The following NFIB variants were observed in gnomAD, a reference collection of about 807,000 sequenced individuals.
The protein encoded by NFIB is nuclear factor I B.
In NFIB, 11 loss-of-function variants were observed where a neutral mutation model predicts 61.5. The observed-to-expected ratio is 0.18, with a 90% CI of 0.11 to 0.30. The LOEUF (loss-of-function observed/expected upper bound fraction) is 0.30. NFIB is among the 10% of genes least tolerant of loss of function. The pLI, the probability that NFIB is intolerant of heterozygous loss-of-function variation, is 1.00. For synonymous variants in NFIB, 260 were observed against 216.5 expected, an observed-to-expected ratio of 1.20 and a Z score of -1.76; for missense variants, 471 against 608.9, an observed-to-expected ratio of 0.77 and a Z score of 2.38.
the NFIB span, among the ~76,000 whole-genome samples, chr9:14,426,291 C>T: frequency 2.0e-5 from 3 of 152,108 alleles, no homozygotes; most frequent in Admixed American, 2.0e-4. Context: ...CCACTGTGAG[C>T]TCTACAGGCC....
the NFIB span, among the ~76,000 whole-genome samples, chr9:14,465,021 G>A: frequency 6.6e-6 from 1 of 152,116 alleles, no homozygotes; most frequent in Non-Finnish European, 1.5e-5. Context: ...AGAACAGTCA[G>A]TTAAATTTTA....
At chr9:14,143,884 A>G (rs2042008455) in intron 6 of NFIB, among the ~76,000 whole-genome samples, 1 of 152,108 alleles carries the variant, frequency 6.6e-6, no homozygotes, top group African/African-American at 2.4e-5. Flanking sequence ...ATTTATAAAG[A>G]TAGTACTGTA....
At chr9:14,128,685 A>G (rs1173254986) in intron 6 of NFIB, among the ~76,000 whole-genome samples, 1 of 148,058 alleles carries the variant, frequency 6.8e-6, no homozygotes, top group East Asian at 2.0e-4. Flanking sequence ...ACAAGAACAA[A>G]ACTCTGTCTC....
chr9:14,341,101 G>C (rs983553459), intron 1 of NFIB, among the ~76,000 whole-genome samples: 6 of 152,200 alleles, frequency 3.9e-5, no homozygotes, highest in Non-Finnish European at 7.3e-5. Context: ...CTGGACAAGA[G>C]CCCAAGAAGA....
chr9:14,348,948 C>G (rs769041487), intron 1 of NFIB, among the ~76,000 whole-genome samples: 1 of 152,246 alleles, frequency 6.6e-6, no homozygotes, highest in Non-Finnish European at 1.5e-5. Context: ...CTCCCGCCCC[C>G]ACCTTGCGCT....
At chr9:14,337,620 C>A (rs947196497) in intron 1 of NFIB, among the ~76,000 whole-genome samples, 4 of 152,218 alleles carry the variant, frequency 2.6e-5, no homozygotes, top group Non-Finnish European at 5.9e-5. Context: ...CATTTTCTAA[C>A]CCTGAGTTGG....
At chr9:14,466,206 G>A in the NFIB span, among the ~76,000 whole-genome samples, 1 of 152,176 alleles carries the variant, frequency 6.6e-6, no homozygotes, top group South Asian at 2.1e-4. Context: ...TGCAAGCTGA[G>A]GCAAGGCCGT....
chr9:14,504,298 T>A, the NFIB span, among the ~76,000 whole-genome samples: 2 of 152,202 alleles, frequency 1.3e-5, no homozygotes, highest in Admixed American at 6.5e-5. Flanking sequence ...TAGTCTTGCT[T>A]TGGCTATGCT....
At chr9:14,493,481 T>C in the NFIB span, among the ~76,000 whole-genome samples, 2 of 152,356 alleles carry the variant, frequency 1.3e-5, no homozygotes, top group East Asian at 3.9e-4. Flanking sequence ...TGTATTCCAC[T>C]GTTAAATTCT....
intron 2 of NFIB, among the ~76,000 whole-genome samples, chr9:14,275,211 T>G (rs2057913792): frequency 6.6e-6 from 1 of 152,186 alleles, no homozygotes; most frequent in Non-Finnish European, 1.5e-5. Context: ...GGTCTCTGAG[T>G]GCTCCAAGGG....
In NFIB at chr9:14,363,888, T is replaced by C. The variant is rs555128671; in HGVS notation, c.108+34636A>G. Among the ~76,000 whole-genome samples, 33 of 152,336 alleles carry C rather than the reference T, an allele frequency of 2.2e-4. No individual in the cohort carries two copies. The South Asian group carries it at 6.6e-3, about 31-fold the overall frequency. ...TGGTAAAAACTTATCATCTTTTTAATCTTCTATTAAATAGCTCCATGAAAT... is the reference window on the plus strand; with the variant it reads ...TGGTAAAAACTTATCATCTTTTTAACCTTCTATTAAATAGCTCCATGAAAT... On this transcript the variant is annotated intron_variant, in intron 1 of 8. Coordinates refer to the NFIB transcript ENST00000380934.
At chr9:14,390,118 C>T (rs796091421) in intron 1 of NFIB, among the ~76,000 whole-genome samples, 1 of 152,122 alleles carries the variant, frequency 6.6e-6, no homozygotes, top group African/African-American at 2.4e-5. Context: ...ACCAGGAAAA[C>T]TTCCAGCACC....
rs2061588280 is a variant in NFIB, at chr9:14,388,991, A to T, written c.108+9533T>A. On this transcript the variant is annotated intron_variant, in intron 1 of 8. Coordinates refer to the NFIB transcript ENST00000380934. ...AGAGACCAATTAAATCAGAAACTTA[A>T]GGGTTGGGGCCTGGACATTGCATTG... Among the ~76,000 whole-genome samples, 3 of 152,310 alleles carry T rather than the reference A, an allele frequency of 2.0e-5. 1 individual carries two copies. In the South Asian group the frequency reaches 6.2e-4, roughly 32 times the overall value.
chr9:14,283,921 T>A (rs1310756162), intron 2 of NFIB, among the ~76,000 whole-genome samples: 1 of 152,252 alleles, frequency 6.6e-6, no homozygotes, highest in Non-Finnish European at 1.5e-5. Context: ...TGAGATCTCA[T>A]GAGAGTTCTC....
chr9:14,392,976 T>C (rs2061642517), intron 1 of NFIB, among the ~76,000 whole-genome samples: 1 of 152,252 alleles, frequency 6.6e-6, no homozygotes, highest in South Asian at 2.1e-4. Context: ...ATTCATGTTT[T>C]TACAAATCAA....
At chr9:14,250,970 T>C (rs2132130286) in intron 2 of NFIB, among the ~76,000 whole-genome samples, 1 of 152,354 alleles carries the variant, frequency 6.6e-6, no homozygotes, top group Admixed American at 6.5e-5. Flanking sequence ...AATAAGTAAA[T>C]ACTAAATGCT....
intron 2 of NFIB, among the ~76,000 whole-genome samples, chr9:14,209,965 T>C (rs113391316): frequency 6.6e-6 from 1 of 152,220 alleles, no homozygotes; most frequent in Non-Finnish European, 1.5e-5. Flanking sequence ...AAAAATGCTT[T>C]TTATTTAATA....
chr9:14,461,631 C>T, the NFIB span, among the ~76,000 whole-genome samples: 1 of 152,220 alleles, frequency 6.6e-6, no homozygotes, highest in Non-Finnish European at 1.5e-5. Flanking sequence ...CTCTGCATTC[C>T]AGCGTCGGCA....
the NFIB span, among the ~76,000 whole-genome samples, chr9:14,456,736 G>A: frequency 6.6e-6 from 1 of 152,142 alleles, no homozygotes; most frequent in Non-Finnish European, 1.5e-5. Context: ...AGCACTTCCG[G>A]TAGGGGTACA....
Sources: gnomAD v4.1 joint callset for allele counts (sites outside exome capture counted in the v4.1 genomes callset) on GRCh38, gnomAD v4.1.1 for gene constraint, MANE v1.5 for transcripts, NCBI Gene and HGNC (gene_info 2026-07-23, HGNC 2026-07-21) for gene names.